The following CDK16 variants were observed in gnomAD, a reference collection of about 807,000 sequenced individuals.
CDK16 encodes cyclin-dependent kinase 16.
Under a neutral mutation model 41.6 loss-of-function variants are expected in CDK16, and 2 were observed. The ratio of observed to expected loss-of-function variants is 0.05; its 90% CI spans 0.02 to 0.15. The LOEUF (loss-of-function observed/expected upper bound fraction) is 0.15. Among genes scored for constraint, CDK16 ranks in the 10% least tolerant of loss-of-function variants. The pLI, the probability that CDK16 is intolerant of heterozygous loss-of-function variation, is 1.00. For missense variants in CDK16, 228 were observed against 428.9 expected (o/e 0.53, Z 4.14); for synonymous variants, 169 against 169.7 (o/e 1.00, Z 0.03).
At chrX:47,219,442 G>A (rs1937237425) in intron 1 of CDK16, among the ~76,000 whole-genome samples, 1 of 110,139 alleles carries the variant, frequency 9.1e-6, no homozygotes, top group African/African-American at 3.3e-5. Context: ...ACGCCAATAA[G>A]TCGTGTAAGG....
intron 14 of CDK16, chrX:47,228,149 C>G (rs967305289): frequency 7.9e-6 from 1 of 126,068 alleles, no homozygotes; most frequent in African/African-American, 3.2e-5. Context: ...CATCCAATCC[C>G]AGACATCATA....
intron 1 of CDK16, among the ~76,000 whole-genome samples, chrX:47,222,651 G>A (rs1389532580): frequency 4.9e-5 from 5 of 102,642 alleles, no homozygotes; most frequent in African/African-American, 1.1e-4. Context: ...GAATGATGGC[G>A]GGGGGGTGTG....
At chrX:47,219,898 GTATCT>G (rs1246692279) in intron 1 of CDK16, among the ~76,000 whole-genome samples, 1 of 110,670 alleles carries the variant, frequency 9.0e-6, no homozygotes, top group Non-Finnish European at 1.9e-5. Flanking sequence ...GGACCTGAGG[GTATCT>G]AACGGAGGAA....
Position 47,229,427 on chromosome X carries a change from A to G in CDK16, c.*659A>G, listed in dbSNP as rs1249976378. 2 of 323,669 alleles carry G rather than the reference A, an allele frequency of 6.2e-6. No homozygotes were observed. The highest frequency in any genetic ancestry group is 5.4e-5 in the African/African-American group (2 of 36,788). The allele number at this position is 323,669 out of a possible 1,213,427, so 26.7% of individuals were successfully genotyped here. A position where few individuals can be genotyped will look rare whatever the true frequency, so the allele number is the denominator to read the frequency against. On this transcript the variant is annotated 3_prime_UTR_variant, in exon 16 of 16. Coordinates refer to ENST00000357227, the MANE Select transcript of CDK16 (RefSeq NM_006201.5). Reference sequence around the variant, plus strand: ...TTTCAGAGACAGGGACACAGCCCCTATTTGGAACCCTGATCATCACCAGAC... The same window carrying G: ...TTTCAGAGACAGGGACACAGCCCCTGTTTGGAACCCTGATCATCACCAGAC...
chrX:47,229,085 C>T lies in CDK16; in HGVS notation c.*317C>T. On this transcript the variant is annotated 3_prime_UTR_variant, in exon 16 of 16. Coordinates refer to ENST00000357227, the MANE Select transcript of CDK16 (RefSeq NM_006201.5). ...AGGCCAGGTCTACCCCCCATCATAC[C>T]AGCCCCCAGGACCACTACCCCACGG... The T allele has an allele frequency of 2.6e-6, 1 of 386,097 alleles. No homozygotes were observed. Among genetic ancestry groups the T allele is most frequent in the Non-Finnish European group, 4.7e-6 (1 of 214,419 alleles). 31.8% of individuals were successfully genotyped at this position (386,097 alleles called of 1,213,427 possible).
In CDK16 at chrX:47,218,759, C is replaced by T. The variant is rs1040498558; in HGVS notation, c.-353C>T. Reference sequence around the variant, plus strand: ...GGCGGTTGGGCCGTTGGCTGTTCGGCCCTGGGATCCGCCGCCACTCCGCGA... The same window carrying T: ...GGCGGTTGGGCCGTTGGCTGTTCGGTCCTGGGATCCGCCGCCACTCCGCGA... On this transcript the variant is annotated 5_prime_UTR_variant, in exon 1 of 16. Coordinates refer to ENST00000357227, the MANE Select transcript of CDK16 (RefSeq NM_006201.5). 47 of 1,155,901 alleles carry T rather than the reference C, an allele frequency of 4.1e-5. No individual in the cohort carries two copies. The highest frequency in any genetic ancestry group is 1.0e-4 in the Admixed American group (4 of 38,347).
chrX:47,226,072 A>G, intron 8 of CDK16, 45 bp downstream of exon 8: 1 of 1,135,786 alleles, frequency 8.8e-7, no homozygotes, highest in Non-Finnish European at 1.2e-6. Context: ...GCCCCCACTC[A>G]CCCACTCCAA....
In CDK16 at chrX:47,227,465, T is replaced by A. The variant is rs773244277; in HGVS notation, c.1371T>A (p.Pro457=). 23 of 1,188,014 alleles carry A rather than the reference T, an allele frequency of 1.9e-5. No homozygotes were observed. The Admixed American group carries it at 4.6e-4, about 24-fold the overall frequency. ...LSLGERIHKL[P]DTTSIFALKE... ...TGGGGGAGCGGATCCACAAACTTCC[T>A]GACAGTGAGTGGAGCTGGGGAATGG... The change falls in exon 14 of 16, where the codon CCT becomes CCA. Residue 457 remains proline, a synonymous_variant. Coordinates refer to ENST00000357227, the MANE Select transcript of CDK16 (RefSeq NM_006201.5).
chrX:47,218,395 T>C, upstream of CDK16: 1 of 392,779 alleles, frequency 2.5e-6, no homozygotes, highest in Non-Finnish European at 4.4e-6. Context: ...CATTTGTCTT[T>C]TTTCCTCCTT....
intron 6 of CDK16, 141 bp from the exon 7 acceptor site, chrX:47,225,631 T>C: frequency 2.2e-6 from 1 of 454,863 alleles, no homozygotes; most frequent in South Asian, 3.4e-5. Flanking sequence ...GGGTTAGAGC[T>C]GGTGGCTCCG....
rs1242588778 is a variant in CDK16, at chrX:47,229,307, T to A, written c.*539T>A. On this transcript the variant is annotated 3_prime_UTR_variant, in exon 16 of 16. Transcript: ENST00000357227. The stretch of plus-strand genomic sequence containing the variant: ...TTTTAAATGAGATTTTTGTTTTTTT[T>A]AAATGCAATATCTCTGTATACAGAC... 1.7e-4 allele frequency: 40 copies of A among 231,964 alleles called. No individual in the cohort carries two copies. In the South Asian group the frequency reaches 1.8e-3, roughly 10 times the overall value. The allele number at this position is 231,964 out of a possible 1,213,427, so 19.1% of individuals were successfully genotyped here.
chrX:47,228,329 A>C, intron 14 of CDK16: 4 of 349,252 alleles, frequency 1.1e-5, no homozygotes, highest in Non-Finnish European at 9.9e-6. Flanking sequence ...AACAGGTGGT[A>C]ATTGCAATAC....
rs1219181243 is a variant in CDK16, at chrX:47,229,119, G to A, written c.*351G>A. ...GGACCACTACCCCACGGCCAGCCAG[G>A]GGTCCAGAGCTAGCCCAGGCTGGGG... On this transcript the variant is annotated 3_prime_UTR_variant, in exon 16 of 16. Coordinates refer to ENST00000357227, the MANE Select transcript of CDK16 (RefSeq NM_006201.5). 5 of 345,753 alleles carry A rather than the reference G, an allele frequency of 1.4e-5. No homozygotes were observed. The highest frequency in any genetic ancestry group is 2.7e-5 in the African/African-American group (1 of 37,396). The allele number at this position is 345,753 out of a possible 1,213,427, so 28.5% of individuals were successfully genotyped here. A position where few individuals can be genotyped will look rare whatever the true frequency, so the allele number is the denominator to read the frequency against.
In CDK16 at chrX:47,223,565, G is replaced by A. The variant is rs910017016; in HGVS notation, c.8G>A (p.Arg3Gln). Reference sequence around the variant, plus strand: ...TCCCTTGCTCAGATCGCCATGGATCGGATGAAGAAGATCAAACGGCAGCTG... The same window carrying A: ...TCCCTTGCTCAGATCGCCATGGATCAGATGAAGAAGATCAAACGGCAGCTG... MD[R>Q]MKKIKRQLSM... Residue 3 changes from arginine (R) to glutamine (Q), a missense_variant, in exon 2 of 16, where the codon CGG becomes CAG. Around this residue, in one of 3 missense-constraint regions of CDK16, gnomAD observed 71 missense variants for 102.2 expected, o/e 0.69. Coordinates refer to ENST00000357227, the MANE Select transcript of CDK16 (RefSeq NM_006201.5). 1.1e-5 allele frequency: 13 copies of A among 1,209,241 alleles called. No homozygotes were observed. Among genetic ancestry groups the A allele is most frequent in the African/African-American group, 8.7e-5 (5 of 57,168 alleles).
chrX:47,218,659 T>G (rs188385651), upstream of CDK16: 4 of 1,167,950 alleles, frequency 3.4e-6, no homozygotes, highest in South Asian at 3.8e-5. Context: ...GTACATGCAG[T>G]CCGAGGTGAG....
chrX:47,219,682 T>C (rs956676041), intron 1 of CDK16, among the ~76,000 whole-genome samples: 6 of 110,695 alleles, frequency 5.4e-5, no homozygotes, highest in Non-Finnish European at 1.1e-4. Flanking sequence ...GATGAGGCCC[T>C]GGATGGTGTT....
rs747908155 is a variant in CDK16, at chrX:47,223,616, G to T, written c.59G>T (p.Gly20Val). 1 of 1,209,832 alleles carries T rather than the reference G, an allele frequency of 8.3e-7. No individual in the cohort carries two copies. The highest frequency in any genetic ancestry group is 3.0e-5 in the East Asian group (1 of 33,758). Residue 20 changes from glycine to valine, a missense_variant, in exon 2 of 16, where the codon GGC becomes GTC. Gly to Val is a moderately radical substitution (Grantham distance 109, BLOSUM62 -3). Transcript: ENST00000357227. ...QLSMTLRGGRGIDKTNGAPEQ... is the reference protein window; with the variant it reads ...QLSMTLRGGRVIDKTNGAPEQ... ...TCAATGACACTCCGAGGTGGCCGAG[G>T]CATAGACAAGACCAATGGTGCCCCT... is the stretch of plus-strand genomic sequence containing the variant.
chrX:47,225,659 GTC>G, intron 6 of CDK16, 111 bp from the exon 7 acceptor site: 1 of 552,249 alleles, frequency 1.8e-6, no homozygotes. Context: ...ACCCTGAACT[GTC>G]TAGAGAAAGA....
At chrX:47,223,847 A>G in intron 2 of CDK16, 88 bp downstream of exon 2, 1 of 858,816 alleles carries the variant, frequency 1.2e-6, no homozygotes, top group South Asian at 2.3e-5. Context: ...TTTTCCTCTA[A>G]ATTTTCTGCC....
Sources: allele counts gnomAD v4.1 joint callset (sites outside exome capture counted in the v4.1 genomes callset), GRCh38; gene constraint gnomAD v4.1.1; regional missense constraint gnomAD v4.1.1; transcripts MANE v1.5; gene names NCBI Gene and HGNC (gene_info 2026-07-23, HGNC 2026-07-21).